The following GIPC1 variants were observed in gnomAD, a reference collection of about 807,000 sequenced individuals.
GIPC1 encodes PDZ domain-containing protein GIPC1.
GIPC1 carries 15 observed loss-of-function variants against 28.5 expected under a neutral mutation model. The ratio of observed to expected loss-of-function variants is 0.53; its 90% CI spans 0.35 to 0.81. The LOEUF (loss-of-function observed/expected upper bound fraction) is 0.81, where lower values mean the gene tolerates loss of function less well. GIPC1 is among the 30% of genes least tolerant of loss of function. GIPC1 has a pLI of 0.01. For missense variants in GIPC1, 439 were observed against 481.9 expected (o/e 0.91, Z 0.83); for synonymous variants, 224 against 206.1 (o/e 1.09, Z -0.74).
intron 3 of GIPC1, among the ~76,000 whole-genome samples, chr19:14,490,817 C>CA (rs1185166974): frequency 1.4e-5 from 2 of 143,860 alleles, no homozygotes; most frequent in East Asian, 2.2e-4. Context: ...ACTAAAAATA[C>CA]AAAAAAAATT....
At chr19:14,480,846 C>T (rs1257057338) in intron 4 of GIPC1, 68 bp from the exon 5 acceptor site, 18 of 1,153,326 alleles carry the variant, frequency 1.6e-5, no homozygotes, top group Admixed American at 3.9e-5. Flanking sequence ...CACTGGAGGG[C>T]GAAGGGAGAG....
chr19:14,479,088 T>A (rs2071666038), intron 7 of GIPC1, among the ~76,000 whole-genome samples: 1 of 152,144 alleles, frequency 6.6e-6, no homozygotes, highest in South Asian at 2.1e-4. Flanking sequence ...CTCATGCCTA[T>A]AATCCCAGCA....
intron 6 of GIPC1, chr19:14,479,939 G>A (rs2071688482): frequency 4.5e-6 from 2 of 442,678 alleles, no homozygotes; most frequent in Non-Finnish European, 8.1e-6. Context: ...CCCACCTCAG[G>A]GGCCTGGGGC....
intron 3 of GIPC1, chr19:14,483,250 C>T (rs2146470244): frequency 2.4e-6 from 1 of 416,486 alleles, no homozygotes; most frequent in East Asian, 4.2e-5. Flanking sequence ...GAGGTCAAAA[C>T]TTTGAAACCA....
chr19:14,486,811 A>C (rs967753195), intron 3 of GIPC1, among the ~76,000 whole-genome samples: 5 of 147,598 alleles, frequency 3.4e-5, no homozygotes, highest in African/African-American at 1.3e-4. Flanking sequence ...TCCTGGGTTC[A>C]AGCGATTCAC....
At chr19:14,480,153 G>GGGGTC in intron 6 of GIPC1, 152 bp downstream of exon 6, 1 of 653,578 alleles carries the variant, frequency 1.5e-6, no homozygotes, top group Non-Finnish European at 2.6e-6. Flanking sequence ...CACCCCGTCT[G>GGGGTC]GGGTCGGGAG....
chr19:14,487,388 A>G lies in GIPC1; in HGVS notation c.-31+4268T>C, dbSNP rs563253885. On this transcript the variant is annotated intron_variant, in intron 3 of 8. Transcript: ENST00000393033. ...GCTGGGACTACAGGTGCACGCCACC[A>G]TGCCCGGCTAATTTTTTTTGTGTTT... 3.5e-3 allele frequency among the ~76,000 whole-genome samples: 528 copies of G among 151,970 alleles called. 5 individuals carry two copies. Among genetic ancestry groups the G allele is most frequent in the African/African-American group, 0.012 (503 of 41,422 alleles).
At chr19:14,481,589 C>T (rs867536177) in intron 4 of GIPC1, among the ~76,000 whole-genome samples, 62 of 151,916 alleles carry the variant, frequency 4.1e-4, no homozygotes, top group African/African-American at 1.0e-3. Context: ...GGTCTGGTGG[C>T]GGGCGCCTGT....
At chr19:14,487,340 C>T (rs2146481692) in intron 3 of GIPC1, among the ~76,000 whole-genome samples, 2 of 151,262 alleles carry the variant, frequency 1.3e-5, no homozygotes, top group South Asian at 4.2e-4. Flanking sequence ...TCCAGCAATT[C>T]TCCTGCCTCA....
At chr19:14,490,650 C>A (rs988976734) in intron 3 of GIPC1, among the ~76,000 whole-genome samples, 1 of 150,046 alleles carries the variant, frequency 6.7e-6, no homozygotes, top group Non-Finnish European at 1.5e-5. Context: ...GCACTCCAGC[C>A]TGGGCAATAA....
rs2071770584 is a variant in GIPC1, at chr19:14,483,214, G to A, written c.-30-208C>T. On this transcript the variant is annotated intron_variant, in intron 3 of 8. Transcript: ENST00000393033. Reference sequence around the variant, plus strand: ...CTCACGCCTGTAATCCCACCACTACGGAAGGCTGAGGTGGGCGGATCACTT... The same window carrying A: ...CTCACGCCTGTAATCCCACCACTACAGAAGGCTGAGGTGGGCGGATCACTT... The A allele has an allele frequency of 3.0e-5, 15 of 497,816 alleles. No individual in the cohort carries two copies. The East Asian group carries it at 3.5e-4, about 12-fold the overall frequency. The allele number at this position is 497,816 out of a possible 1,614,324, so 30.8% of individuals were successfully genotyped here.
Position 14,482,911 on chromosome 19 carries a change from T to C in GIPC1, c.66A>G (p.Pro22=). Residue 22 remains proline, a synonymous_variant, in exon 4 of 9, where the codon CCA becomes CCG. Coordinates refer to ENST00000393033, the MANE Select transcript of GIPC1 (RefSeq NM_005716.4). ...CCCCCACGCCCAGCCCTCCACGGCC[T>C]GGCTCAGCCTCCTCATTTTCCACTA... ...PPLVENEEAE[P]GRGGLGVGEP... is the part of the protein sequence containing the mutation. The C allele has an allele frequency of 6.2e-7, 1 of 1,606,870 alleles. No homozygotes were observed. Among genetic ancestry groups the C allele is most frequent in the Non-Finnish European group, 8.5e-7 (1 of 1,177,478 alleles).
chr19:14,494,688 G>A (rs1479670237), intron 1 of GIPC1, among the ~76,000 whole-genome samples: 2 of 152,128 alleles, frequency 1.3e-5, no homozygotes, highest in Admixed American at 6.6e-5. Context: ...TCAGGTCCTC[G>A]TTCTGATTGC....
At chr19:14,493,638 AT>A (rs1284380571) in intron 1 of GIPC1, among the ~76,000 whole-genome samples, 1 of 150,934 alleles carries the variant, frequency 6.6e-6, no homozygotes, top group Non-Finnish European at 1.5e-5. Flanking sequence ...TTGTATTTTT[AT>A]TTTGTATTTG....
At chr19:14,488,440 G>A (rs2071892948) in intron 3 of GIPC1, among the ~76,000 whole-genome samples, 1 of 150,596 alleles carries the variant, frequency 6.6e-6, no homozygotes, top group South Asian at 2.1e-4. Flanking sequence ...GACAAACCGA[G>A]ACTCCATCTC....
At chr19:14,480,243 G>A (rs2071695103) in intron 6 of GIPC1, 62 bp downstream of exon 6, 5 of 1,456,604 alleles carry the variant, frequency 3.4e-6, no homozygotes, top group East Asian at 4.6e-5. Context: ...GCCGCTCCCG[G>A]CACCACCGCC....
At chr19:14,482,558 CCCA>C in intron 4 of GIPC1, 128 bp downstream of exon 4, 1 of 898,518 alleles carries the variant, frequency 1.1e-6, no homozygotes, top group Non-Finnish European at 1.8e-6. Context: ...GCCATTGGCC[CCCA>C]CCACTGAGTG....
At chr19:14,492,064 T>A (rs958093757) in intron 2 of GIPC1, among the ~76,000 whole-genome samples, 3 of 151,342 alleles carry the variant, frequency 2.0e-5, no homozygotes, top group Non-Finnish European at 4.4e-5. Context: ...TGAGGCTCCA[T>A]CTCAAAAAAA....
chr19:14,480,807 T>C, intron 4 of GIPC1, 29 bp from the exon 5 acceptor site: 1 of 1,527,688 alleles, frequency 6.5e-7, no homozygotes, highest in Non-Finnish European at 9.0e-7. Flanking sequence ...CTGAAACCTC[T>C]TCCCCCTCCC....
Sources: gnomAD v4.1 joint callset for allele counts (sites outside exome capture counted in the v4.1 genomes callset) on GRCh38, gnomAD v4.1.1 for gene constraint, MANE v1.5 for transcripts, NCBI Gene and HGNC (gene_info 2026-07-23, HGNC 2026-07-21) for gene names.